The following AGBL4 variants were observed in gnomAD, a reference collection of about 807,000 sequenced individuals.
The protein encoded by AGBL4 is AGBL carboxypeptidase 4.
A neutral mutation model predicts 66.4 loss-of-function variants in AGBL4; 58 were observed. That is an observed-to-expected ratio of 0.87 (90% confidence interval 0.71 to 1.09). The LOEUF is 1.09. Ranked by LOEUF, AGBL4 falls within the 50% of genes least tolerant of loss-of-function variation. The pLI, the probability that AGBL4 is intolerant of heterozygous loss-of-function variation, is 0.00. For missense variants in AGBL4, 579 were observed against 631.0 expected, an observed-to-expected ratio of 0.92 and a Z score of 0.88; for synonymous variants, 234 against 222.9, an observed-to-expected ratio of 1.05 and a Z score of -0.44.
chr1:49,495,371 A>G (rs879051542), intron 3 of AGBL4, among the ~76,000 whole-genome samples: 1 of 152,054 alleles, frequency 6.6e-6, no homozygotes, highest in Non-Finnish European at 1.5e-5. Flanking sequence ...TATTTTTCTT[A>G]TAGCTCATCA....
At chr1:48,981,290 G>C (rs1659745157) in intron 5 of AGBL4, among the ~76,000 whole-genome samples, 1 of 152,134 alleles carries the variant, frequency 6.6e-6, no homozygotes, top group African/African-American at 2.4e-5. Flanking sequence ...TTCTGCACAT[G>C]ATAGGGAATA....
At chr1:48,758,210 T>G (rs1644049863) in intron 6 of AGBL4, among the ~76,000 whole-genome samples, 1 of 152,214 alleles carries the variant, frequency 6.6e-6, no homozygotes, top group Admixed American at 6.5e-5. Context: ...TGCTCAAAGC[T>G]TTCTAATGCT....
intron 5 of AGBL4, among the ~76,000 whole-genome samples, chr1:49,045,133 A>T (rs1421164105): frequency 1.3e-5 from 2 of 152,184 alleles, no homozygotes. Context: ...CAAACTGCAC[A>T]CCACTTGCTA....
At chr1:49,786,937 C>T (rs1319973279) in intron 2 of AGBL4, among the ~76,000 whole-genome samples, 1 of 152,156 alleles carries the variant, frequency 6.6e-6, no homozygotes, top group African/African-American at 2.4e-5. Flanking sequence ...AACCCTCTTT[C>T]ATCAAGTTTC....
At chr1:48,738,128 T>C (rs935141421) in intron 6 of AGBL4, among the ~76,000 whole-genome samples, 1 of 152,190 alleles carries the variant, frequency 6.6e-6, no homozygotes, top group Non-Finnish European at 1.5e-5. Flanking sequence ...ATACACATAG[T>C]TAGGCAGTCA....
At chr1:48,560,491 C>T (rs1477830380) in intron 11 of AGBL4, among the ~76,000 whole-genome samples, 2 of 152,168 alleles carry the variant, frequency 1.3e-5, no homozygotes, top group East Asian at 1.9e-4. Flanking sequence ...TGCCCCTGGG[C>T]TTTCTGAAGG....
intron 4 of AGBL4, among the ~76,000 whole-genome samples, chr1:49,076,759 G>T (rs1451744854): frequency 6.6e-6 from 1 of 152,112 alleles, no homozygotes; most frequent in East Asian, 1.9e-4. Context: ...TAAATTGTGG[G>T]TTGGCACAGA....
At chr1:49,544,199 T>G (rs964516648) in intron 3 of AGBL4, among the ~76,000 whole-genome samples, 1 of 152,204 alleles carries the variant, frequency 6.6e-6, no homozygotes, top group Non-Finnish European at 1.5e-5. Flanking sequence ...AATTCTCTTG[T>G]TAAATCCTCC....
intron 5 of AGBL4, among the ~76,000 whole-genome samples, chr1:48,963,303 T>A (rs1448202357): frequency 1.3e-5 from 2 of 152,006 alleles, no homozygotes; most frequent in Non-Finnish European, 2.9e-5. Context: ...AAAGGTCCCA[T>A]CTCTTAATAC....
At chr1:48,586,901 C>G in intron 11 of AGBL4, 103 bp downstream of exon 11, 1 of 1,471,574 alleles carries the variant, frequency 6.8e-7, no homozygotes, top group Non-Finnish European at 9.4e-7. Flanking sequence ...ACCTGAGAGT[C>G]TCAGCCCTTA....
intron 1 of AGBL4, among the ~76,000 whole-genome samples, chr1:49,924,275 A>T (rs1652546245): frequency 6.6e-6 from 1 of 152,112 alleles, no homozygotes; most frequent in African/African-American, 2.4e-5. Flanking sequence ...AACAACACAC[A>T]CTGGGGCCTT....
chr1:48,682,137 C>G (rs889971519), intron 6 of AGBL4, among the ~76,000 whole-genome samples: 3 of 152,178 alleles, frequency 2.0e-5, no homozygotes, highest in Non-Finnish European at 4.4e-5. Flanking sequence ...CATTACAAGC[C>G]AAGGGCTGAG....
chr1:48,758,668 T>C (rs1644077933), intron 6 of AGBL4, among the ~76,000 whole-genome samples: 1 of 152,232 alleles, frequency 6.6e-6, no homozygotes, highest in African/African-American at 2.4e-5. Flanking sequence ...TCTTAGTCTC[T>C]GACCCATGTT....
intron 5 of AGBL4, among the ~76,000 whole-genome samples, chr1:48,903,659 T>C (rs1429335619): frequency 6.6e-6 from 1 of 152,138 alleles, no homozygotes. Flanking sequence ...AGTGCCAGAG[T>C]TCCTTCCTTC....
chr1:49,308,657 A>C (rs186916507), intron 3 of AGBL4, among the ~76,000 whole-genome samples: 1 of 152,172 alleles, frequency 6.6e-6, no homozygotes, highest in Non-Finnish European at 1.5e-5. Flanking sequence ...TTCTTCTTCT[A>C]ACATTTATAT....
chr1:49,730,694 C>A (rs1312147878), intron 2 of AGBL4, among the ~76,000 whole-genome samples: 2 of 152,136 alleles, frequency 1.3e-5, no homozygotes, highest in African/African-American at 4.8e-5. Context: ...AAGCACAGAG[C>A]CACAGCAGGC....
intron 3 of AGBL4, among the ~76,000 whole-genome samples, chr1:49,534,620 T>G (rs1651425994): frequency 6.6e-6 from 1 of 152,202 alleles, no homozygotes; most frequent in Non-Finnish European, 1.5e-5. Context: ...AAGAATGACC[T>G]TCCCAGACAG....
At chr1:49,875,291 T>C (rs1485094964) in intron 1 of AGBL4, among the ~76,000 whole-genome samples, 1 of 130,448 alleles carries the variant, frequency 7.7e-6, no homozygotes, top group African/African-American at 2.9e-5. Context: ...TATCTCCCAA[T>C]GCTATCCCTC....
intron 1 of AGBL4, among the ~76,000 whole-genome samples, chr1:49,876,933 G>A (rs1300088923): frequency 6.6e-6 from 1 of 151,518 alleles, no homozygotes; most frequent in Non-Finnish European, 1.5e-5. Context: ...GTGAATGGGA[G>A]TTCACTCATT....
Sources: gnomAD v4.1 joint callset for allele counts (sites outside exome capture counted in the v4.1 genomes callset) on GRCh38, gnomAD v4.1.1 for gene constraint, MANE v1.5 for transcripts, NCBI Gene and HGNC (gene_info 2026-07-23, HGNC 2026-07-21) for gene names.